PKD2L1: variants seen among roughly 807,000 people sequenced by gnomAD.
PKD2L1 encodes polycystin 2 like 1, transient receptor potential cation channel.
Under a neutral mutation model 93.0 loss-of-function variants are expected in PKD2L1, and 77 were observed. The observed-to-expected ratio is 0.83, with a 90% confidence interval of 0.69 to 1.00. The LOEUF is 1.00. PKD2L1 is among the 50% of genes least tolerant of loss of function. The pLI is 0.00. For missense variants in PKD2L1, 977 were observed against 990.9 expected, an observed-to-expected ratio of 0.99 and a Z score of 0.19; for synonymous variants, 390 against 388.0, an observed-to-expected ratio of 1.01 and a Z score of -0.06.
intron 2 of PKD2L1, among the ~76,000 whole-genome samples, chr10:100,321,768 G>C (rs1248696481): frequency 0.021 from 44 of 2,126 alleles, 7 homozygotes; most frequent in African/African-American, 0.069. Context: ...GGGAGGGAGG[G>C]AGGGAGGGAG....
intron 7 of PKD2L1, among the ~76,000 whole-genome samples, chr10:100,295,665 A>T (rs1475345626): frequency 7.0e-6 from 1 of 142,436 alleles, no homozygotes; most frequent in Non-Finnish European, 1.5e-5. Flanking sequence ...CCCGGGAGGC[A>T]GAGGTTGCAG....
Position 100,297,591 on chromosome 10 carries a change from C to A in PKD2L1, c.747G>T (p.Ser249=), listed in dbSNP as rs764584879. The A allele has an allele frequency of 1.9e-6, 3 of 1,612,888 alleles. No homozygotes were observed. Among genetic ancestry groups the A allele is most frequent in the Non-Finnish European group, 1.7e-6 (2 of 1,179,654 alleles). The change falls in exon 5 of 16, where the codon TCG becomes TCT. Residue 249 remains serine, a synonymous_variant. Transcript: ENST00000318222. ...PFNGTAWTYH[S]QDELGGFSHW... ...GGGAGAAGCCCCCCAACTCATCCTG[C>A]GAGTGGTATGTCCACCTGCCACAGA...
intron 3 of PKD2L1, among the ~76,000 whole-genome samples, chr10:100,299,333 A>G (rs1383162219): frequency 6.6e-6 from 1 of 152,040 alleles, no homozygotes; most frequent in Non-Finnish European, 1.5e-5. Flanking sequence ...CTTTATTTAA[A>G]ATTCGTTTTG....
chr10:100,294,645 A>G lies in PKD2L1; in HGVS notation c.1549T>C (p.Phe517Leu), dbSNP rs1318016994. The change falls in exon 9 of 16, where the codon TTC (phenylalanine) becomes CTC (leucine). Residue 517 changes from phenylalanine to leucine, a missense_variant. Transcript: ENST00000318222. ...STFIKCIFTQ[F>L]RIILGDFDYN... ...TCAAAGTCCCCGAGGATTATCCGGA[A>G]CTGAGTGAAACTGAGAGACCAGGTC... 6.2e-7 allele frequency: 1 copy of G among 1,614,162 alleles called. No individual in the cohort carries two copies. The highest frequency in any genetic ancestry group is 1.1e-5 in the South Asian group (1 of 91,082).
At chr10:100,329,743 C>A in intron 1 of PKD2L1, 126 bp downstream of exon 1, 1 of 686,100 alleles carries the variant, frequency 1.5e-6, no homozygotes, top group Non-Finnish European at 2.5e-6. Flanking sequence ...AATTCATACA[C>A]CCCAAAGTGA....
intron 2 of PKD2L1, among the ~76,000 whole-genome samples, chr10:100,303,552 T>A (rs1282103760): frequency 6.6e-6 from 1 of 152,210 alleles, no homozygotes; most frequent in Non-Finnish European, 1.5e-5. Context: ...AATTTTCATT[T>A]TCAGATCTTG....
At chr10:100,303,832 T>C (rs1848740958) in intron 2 of PKD2L1, among the ~76,000 whole-genome samples, 2 of 152,198 alleles carry the variant, frequency 1.3e-5, no homozygotes, top group African/African-American at 4.8e-5. Flanking sequence ...CCCATCACAG[T>C]TACAACTGAT....
rs779130225 is a variant in PKD2L1, at chr10:100,298,808, T to G, written c.485A>C (p.Gln162Pro). The change falls in exon 4 of 16, where the codon CAG (glutamine) becomes CCG (proline). Residue 162 changes from glutamine (Q) to proline (P), a missense_variant. By Grantham distance (76) the Gln-to-Pro change is moderately conservative (BLOSUM62 -1). Transcript: ENST00000318222. ...ATACAAACTGTCCAGTAGTGGGCCCTGGGCAAACTGAACCACAAGCTGGCT... is the reference window on the plus strand; with the variant it reads ...ATACAAACTGTCCAGTAGTGGGCCCGGGGCAAACTGAACCACAAGCTGGCT... Reference protein sequence around the residue: ...SSMADFWDFAQGPLLDSLYWT... With the variant: ...SSMADFWDFAPGPLLDSLYWT... The G allele has an allele frequency of 1.2e-6, 2 of 1,610,518 alleles. No homozygotes were observed.
chr10:100,296,254 G>T lies in PKD2L1; in HGVS notation c.1224C>A (p.Thr408=). ...IVAVGFHIFR[T]LEVNRLMGKL... ...TCCCCATGAGCCGATTCACCTCGAGGGTTCGGAATATGTGGAAGCCCACAG... is the reference window on the plus strand; with the variant it reads ...TCCCCATGAGCCGATTCACCTCGAGTGTTCGGAATATGTGGAAGCCCACAG... Residue 408 remains threonine, a synonymous_variant, in exon 7 of 16, where the codon ACC becomes ACA. Transcript: ENST00000318222. 6.2e-7 allele frequency: 1 copy of T among 1,607,100 alleles called. No individual in the cohort carries two copies. Among genetic ancestry groups the T allele is most frequent in the African/African-American group, 1.3e-5 (1 of 74,514 alleles).
chr10:100,291,111 C>A lies in PKD2L1; in HGVS notation c.2007+190G>T, dbSNP rs539712814. Among the ~76,000 whole-genome samples, 441 of 152,248 alleles carry A rather than the reference C, an allele frequency of 2.9e-3. 4 individuals are homozygous for A. Among genetic ancestry groups the A allele is most frequent in the African/African-American group, 0.01 (430 of 41,548 alleles). The stretch of plus-strand genomic sequence containing the variant: ...GGTTTAATTGGTCTAGAGTGTGTGT[C>A]CTGAGTATGAAGATTTTTAAAGGCC... On this transcript the variant is annotated intron_variant, in intron 12 of 15. Transcript: ENST00000318222.
intron 4 of PKD2L1, among the ~76,000 whole-genome samples, chr10:100,298,109 G>A (rs1403622231): frequency 1.3e-5 from 2 of 152,100 alleles, no homozygotes; most frequent in Non-Finnish European, 2.9e-5. Flanking sequence ...TACCCTGGGT[G>A]CTTATTTCCT....
rs184728881 is a variant in PKD2L1, at chr10:100,296,143, G to A, written c.1335C>T (p.Asn445=). 2.1e-5 allele frequency: 34 copies of A among 1,610,996 alleles called. No homozygotes were observed. The Admixed American group carries it at 3.0e-4, about 14-fold the overall frequency. ...GTACCTTGATCCAGGCGAAGAAGAG[G>A]TTGACAGCATTCATGTTGTTGTACT... ...QTQYNNMNAV[N]LFFAWIKIFK... The change falls in exon 7 of 16, where the codon AAC becomes AAT. Residue 445 remains asparagine (N), a synonymous_variant. Transcript: ENST00000318222.
intron 2 of PKD2L1, among the ~76,000 whole-genome samples, chr10:100,325,448 G>A (rs1849356851): frequency 6.6e-6 from 1 of 152,188 alleles, no homozygotes; most frequent in South Asian, 2.1e-4. Context: ...GGCAGGTAGA[G>A]GCAGGGGCTA....
chr10:100,311,722 T>C (rs1848938675), intron 2 of PKD2L1, among the ~76,000 whole-genome samples: 2 of 152,102 alleles, frequency 1.3e-5, no homozygotes, highest in South Asian at 4.1e-4. Context: ...CCAACAACAC[T>C]CTCCCTGGGA....
intron 2 of PKD2L1, among the ~76,000 whole-genome samples, chr10:100,317,263 A>C (rs1849119625): frequency 6.6e-6 from 1 of 152,026 alleles, no homozygotes; most frequent in South Asian, 2.1e-4. Flanking sequence ...AATTTGGCCG[A>C]GCACAGTGGC....
At position 100,289,037 on chromosome 10, in the gene PKD2L1, T is replaced by C; in HGVS notation, c.2270A>G (p.Lys757Arg). The C allele has an allele frequency of 6.2e-7, 1 of 1,612,872 alleles. No homozygotes were observed. Among genetic ancestry groups the C allele is most frequent in the South Asian group, 1.1e-5 (1 of 90,960 alleles). The change falls in exon 15 of 16, where the codon AAG becomes AGG. Residue 757 changes from lysine to arginine, a missense_variant. By Grantham distance (26) the Lys-to-Arg change is conservative. Transcript: ENST00000318222. ...CACAGCTGGGGCTGGCTGCGGGTGCTTCCAAATAGCTTGTTCCTTCTGTTG... is the reference window on the plus strand; with the variant it reads ...CACAGCTGGGGCTGGCTGCGGGTGCCTCCAAATAGCTTGTTCCTTCTGTTG... ...SPGVKEQAIW[K>R]HPQPAPAVTP... is the part of the protein sequence containing the mutation.
chr10:100,299,735 G>C lies in PKD2L1; in HGVS notation c.350-17C>G. On this transcript the variant is annotated splice_polypyrimidine_tract_variant and intron_variant, in intron 2 of 15. Transcript: ENST00000318222. ...CATAGGTCACTAGAAAACAACCCAAGAGGCTATGTCCTTCTCACTGTTCCC... is the reference window on the plus strand; with the variant it reads ...CATAGGTCACTAGAAAACAACCCAACAGGCTATGTCCTTCTCACTGTTCCC... The C allele has an allele frequency of 6.2e-7, 1 of 1,612,490 alleles. No homozygotes were observed. Among genetic ancestry groups the C allele is most frequent in the Non-Finnish European group, 8.5e-7 (1 of 1,178,574 alleles).
At chr10:100,296,050 A>G in intron 7 of PKD2L1, 72 bp downstream of exon 7, 5 of 1,373,574 alleles carry the variant, frequency 3.6e-6, no homozygotes, top group Non-Finnish European at 5.0e-6. Flanking sequence ...AAAAAAAAAG[A>G]AAAAAAAGAA....
At chr10:100,306,839 G>A (rs1304131929) in intron 2 of PKD2L1, among the ~76,000 whole-genome samples, 1 of 77,038 alleles carries the variant, frequency 1.3e-5, no homozygotes, top group Non-Finnish European at 2.2e-5. Flanking sequence ...GCCTGGGCGA[G>A]AGAGTGAGAC....
Sources: gnomAD v4.1 joint callset for allele counts (sites outside exome capture counted in the v4.1 genomes callset) on GRCh38, gnomAD v4.1.1 for gene constraint, MANE v1.5 for transcripts, NCBI Gene and HGNC (gene_info 2026-07-23, HGNC 2026-07-21) for gene names.